ASTN2: variants seen among roughly 807,000 people sequenced by gnomAD.
The protein encoded by ASTN2 is astrotactin 2, also known as astrotactin-2.
ASTN2 carries 54 observed loss-of-function variants against 139.8 expected under a neutral mutation model. The ratio of observed to expected loss-of-function variants is 0.39; its 90% CI spans 0.31 to 0.48. The LOEUF is 0.48. Among genes scored for constraint, ASTN2 ranks in the 20% least tolerant of loss-of-function variants. The pLI, the probability that ASTN2 is intolerant of heterozygous loss-of-function variation, is 0.95. For synonymous variants in ASTN2, 756 were observed against 719.5 expected (o/e 1.05, Z -0.81); for missense variants, 1,565 against 1,725.1 (o/e 0.91, Z 1.64).
intron 11 of ASTN2, among the ~76,000 whole-genome samples, chr9:116,855,726 C>T (rs73516217): frequency 0.012 from 1,785 of 152,212 alleles, 41 homozygotes; most frequent in African/African-American, 0.04. Context: ...GTTTCCTCTG[C>T]CTTTACCTGG....
At chr9:116,597,374 C>T (rs1854643773) in intron 19 of ASTN2, among the ~76,000 whole-genome samples, 1 of 126,854 alleles carries the variant, frequency 7.9e-6, no homozygotes, top group East Asian at 2.7e-4. Flanking sequence ...GTGGTGCGAT[C>T]TTGGCTCGCT....
At chr9:117,269,727 G>A (rs773570996) in intron 2 of ASTN2, among the ~76,000 whole-genome samples, 1 of 152,174 alleles carries the variant, frequency 6.6e-6, no homozygotes, top group Non-Finnish European at 1.5e-5. Flanking sequence ...TGTAAGTCTA[G>A]CCATCATTCT....
At chr9:116,826,972 C>A (rs2132278521) in intron 11 of ASTN2, among the ~76,000 whole-genome samples, 1 of 152,196 alleles carries the variant, frequency 6.6e-6, no homozygotes, top group East Asian at 1.9e-4. Flanking sequence ...ATGCCTACAT[C>A]AAAAAATTAT....
At chr9:116,573,963 A>T (rs563619113) in intron 19 of ASTN2, among the ~76,000 whole-genome samples, 1 of 152,346 alleles carries the variant, frequency 6.6e-6, no homozygotes, top group East Asian at 1.9e-4. Flanking sequence ...CATGGTATAA[A>T]AAATGTGGAC....
intron 1 of ASTN2, among the ~76,000 whole-genome samples, chr9:117,308,894 C>A (rs1827865102): frequency 6.6e-6 from 1 of 152,110 alleles, no homozygotes; most frequent in Admixed American, 6.6e-5. Context: ...GCGGCTAATG[C>A]CTGTTGCATA....
intron 1 of ASTN2, among the ~76,000 whole-genome samples, chr9:117,356,857 G>A (rs1443045108): frequency 6.6e-6 from 1 of 152,096 alleles, no homozygotes; most frequent in Non-Finnish European, 1.5e-5. Flanking sequence ...GAGGTCAGGA[G>A]CTCAAGACCA....
chr9:117,204,754 A>G (rs1831858095), intron 3 of ASTN2, among the ~76,000 whole-genome samples: 1 of 152,256 alleles, frequency 6.6e-6, no homozygotes, highest in African/African-American at 2.4e-5. Context: ...GCTGTTAAAA[A>G]AAACCAAACA....
intron 20 of ASTN2, among the ~76,000 whole-genome samples, chr9:116,444,181 T>G (rs1156293857): frequency 6.6e-6 from 1 of 152,140 alleles, no homozygotes; most frequent in Non-Finnish European, 1.5e-5. Flanking sequence ...GACTGGCAAT[T>G]TAAACCTTGG....
intron 3 of ASTN2, among the ~76,000 whole-genome samples, chr9:117,195,322 C>T (rs949811695): frequency 3.3e-5 from 5 of 152,018 alleles, no homozygotes; most frequent in African/African-American, 1.2e-4. Flanking sequence ...AATCATGGCA[C>T]ATACAAAGGG....
chr9:117,354,732 C>G (rs1441471103), intron 1 of ASTN2, among the ~76,000 whole-genome samples: 1 of 152,094 alleles, frequency 6.6e-6, no homozygotes, highest in Non-Finnish European at 1.5e-5. Flanking sequence ...TTGCCTGATC[C>G]TAGAACACAC....
At chr9:117,158,236 A>C (rs1830472378) in intron 3 of ASTN2, among the ~76,000 whole-genome samples, 1 of 152,102 alleles carries the variant, frequency 6.6e-6, no homozygotes, top group Non-Finnish European at 1.5e-5. Flanking sequence ...TCCAGATACA[A>C]AGATACAGAT....
intron 6 of ASTN2, among the ~76,000 whole-genome samples, chr9:117,021,707 C>G (rs867850): frequency 0.23 from 34,930 of 152,026 alleles, 4,456 homozygotes; most frequent in Non-Finnish European, 0.29. Context: ...GTTAAATGGG[C>G]CTTGGTTCCT....
At chr9:117,084,660 T>C (rs1269532100) in intron 5 of ASTN2, among the ~76,000 whole-genome samples, 2 of 152,232 alleles carry the variant, frequency 1.3e-5, no homozygotes, top group African/African-American at 4.8e-5. Flanking sequence ...CTATAAGTAG[T>C]TATTCCCCTT....
intron 3 of ASTN2, among the ~76,000 whole-genome samples, chr9:117,168,666 T>G (rs1321474913): frequency 2.0e-5 from 3 of 152,154 alleles, no homozygotes; most frequent in African/African-American, 4.8e-5. Flanking sequence ...TCAGGTTTAG[T>G]ATAAAGCCTT....
intron 10 of ASTN2, among the ~76,000 whole-genome samples, chr9:116,970,520 CA>C (rs1836161560): frequency 6.6e-6 from 1 of 152,126 alleles, no homozygotes; most frequent in Non-Finnish European, 1.5e-5. Context: ...CTTCAACTGT[CA>C]AAAAGTATGA....
chr9:116,888,937 G>A (rs948167449), intron 10 of ASTN2, among the ~76,000 whole-genome samples: 3 of 152,182 alleles, frequency 2.0e-5, no homozygotes, highest in Non-Finnish European at 4.4e-5. Flanking sequence ...TTATATGTGA[G>A]AATATGAGGT....
In ASTN2 at chr9:116,541,253, G is replaced by A. The variant is rs188124056; in HGVS notation, c.3356-53753C>T. 3.6e-3 allele frequency among the ~76,000 whole-genome samples: 553 copies of A among 152,092 alleles called. 3 individuals are homozygous for A. Among genetic ancestry groups the A allele is most frequent in the African/African-American group, 0.013 (520 of 41,488 alleles). ...TGTGATCATAGTAGGAAATTTAGGCGGGAAAGAGAAAATATAAATCTGCCA... is the reference window on the plus strand; with the variant it reads ...TGTGATCATAGTAGGAAATTTAGGCAGGAAAGAGAAAATATAAATCTGCCA... On this transcript the variant is annotated intron_variant, in intron 19 of 22. Transcript: ENST00000313400.
chr9:117,193,639 C>A (rs200476609), intron 3 of ASTN2, among the ~76,000 whole-genome samples: 1,418 of 105,854 alleles, frequency 0.013, no homozygotes, highest in Non-Finnish European at 0.014. Context: ...ATTCAGTCAC[C>A]AAAAAAAAAA....
At chr9:116,869,366 G>T (rs768741579) in intron 10 of ASTN2, among the ~76,000 whole-genome samples, 11 of 152,044 alleles carry the variant, frequency 7.2e-5, no homozygotes, top group Non-Finnish European at 1.3e-4. Context: ...AGGGCACAGG[G>T]GAATGTGCTC....
Sources: gnomAD v4.1 joint callset for allele counts (sites outside exome capture counted in the v4.1 genomes callset) on GRCh38, gnomAD v4.1.1 for gene constraint, MANE v1.5 for transcripts, NCBI Gene and HGNC (gene_info 2026-07-23, HGNC 2026-07-21) for gene names.